ADAMTSL1: variants seen among roughly 807,000 people sequenced by gnomAD.
The protein encoded by ADAMTSL1 is ADAMTS like 1, also known as ADAMTS-like protein 1.
ADAMTSL1 carries 126 observed loss-of-function variants against 201.8 expected under a neutral mutation model. That is an observed-to-expected ratio of 0.62 (90% confidence interval 0.54 to 0.72). The LOEUF (loss-of-function observed/expected upper bound fraction) is 0.72. Among genes scored for constraint, ADAMTSL1 ranks in the 30% least tolerant of loss-of-function variants. The pLI is 0.00. For missense variants in ADAMTSL1, 2,679 were observed against 2,277.8 expected (o/e 1.18, Z -3.59); for synonymous variants, 1,121 against 903.4 (o/e 1.24, Z -4.32).
At chr9:18,383,674 C>T (rs1025226535) in intron 2 of ADAMTSL1, among the ~76,000 whole-genome samples, 1 of 152,146 alleles carries the variant, frequency 6.6e-6, no homozygotes, top group African/African-American at 2.4e-5. Context: ...TTAATCAGAT[C>T]TTTGCCACAG....
chr9:17,908,269 T>C (rs977813306), intron 1 of ADAMTSL1, among the ~76,000 whole-genome samples: 14 of 152,192 alleles, frequency 9.2e-5, no homozygotes, highest in South Asian at 6.2e-4. Context: ...TTCCCAGCCA[T>C]GGCTGCACAG....
chr9:18,238,656 A>C lies in ADAMTSL1; in HGVS notation c.207+74675A>C, dbSNP rs527469949. 3.3e-5 allele frequency among the ~76,000 whole-genome samples: 5 copies of C among 152,314 alleles called. No individual in the cohort carries two copies. The East Asian group carries it at 9.6e-4, about 29-fold the overall frequency. On this transcript the variant is annotated intron_variant, in intron 2 of 29. Coordinates refer to the ADAMTSL1 transcript ENST00000680146. Reference sequence around the variant, plus strand: ...TTCTTCTCTAATATCATAGAAAGAGAGCACTGAAAGGAACCAAATGACATA... The same window carrying C: ...TTCTTCTCTAATATCATAGAAAGAGCGCACTGAAAGGAACCAAATGACATA...
chr9:18,385,812 C>T (rs1837769596), intron 2 of ADAMTSL1, among the ~76,000 whole-genome samples: 1 of 152,176 alleles, frequency 6.6e-6, no homozygotes, highest in Non-Finnish European at 1.5e-5. Flanking sequence ...ATGCTTGTCA[C>T]ATTTATAGTC....
At chr9:18,388,901 T>C (rs1837925612) in intron 2 of ADAMTSL1, among the ~76,000 whole-genome samples, 2 of 151,770 alleles carry the variant, frequency 1.3e-5, no homozygotes, top group African/African-American at 4.8e-5. Context: ...GGATTACAGG[T>C]GCCTGCCACC....
At chr9:18,474,418 T>G in intron 1 of ADAMTSL1, 123 bp downstream of exon 1, 1 of 959,348 alleles carries the variant, frequency 1.0e-6, no homozygotes, top group Non-Finnish European at 1.6e-6. Flanking sequence ...CCAGGTAAAA[T>G]AATTTACACG....
rs1834365014 is a variant in ADAMTSL1 at position 18,315,766 on chromosome 9, G to C, written c.207+151785G>C. Among the ~76,000 whole-genome samples the C allele has an allele frequency of 2.6e-5, 4 of 152,340 alleles. No homozygotes were observed. In the South Asian group the frequency reaches 8.3e-4, roughly 32 times the overall value. On this transcript the variant is annotated intron_variant, in intron 2 of 29. Transcript: ENST00000680146. ...TAGCTCCGGCCTCAGCCAACCTAGA[G>C]AGGGGCTCCCAGAGTGCAGCAGTGG...
chr9:18,096,911 A>G (rs1824277484), intron 1 of ADAMTSL1, among the ~76,000 whole-genome samples: 1 of 152,204 alleles, frequency 6.6e-6, no homozygotes, highest in Non-Finnish European at 1.5e-5. Flanking sequence ...ATCTTCTCTT[A>G]GTATGCTTTT....
At chr9:18,053,882 G>C (rs1201578510) in intron 1 of ADAMTSL1, among the ~76,000 whole-genome samples, 1 of 152,132 alleles carries the variant, frequency 6.6e-6, no homozygotes, top group Admixed American at 6.6e-5. Context: ...TGAAGTAAAG[G>C]TGTTGTTTTG....
chr9:18,030,509 A>G (rs1820905245), intron 1 of ADAMTSL1, among the ~76,000 whole-genome samples: 1 of 152,158 alleles, frequency 6.6e-6, no homozygotes, highest in Non-Finnish European at 1.5e-5. Context: ...TATGTAACTA[A>G]CCTGCACATT....
In ADAMTSL1 at chr9:18,422,025, A is replaced by G. The variant is rs367935282; in HGVS notation, c.208-82804A>G. Among the ~76,000 whole-genome samples, 11 of 152,286 alleles carry G rather than the reference A, an allele frequency of 7.2e-5. No homozygotes were observed. The East Asian group carries it at 1.2e-3, about 16-fold the overall frequency. On this transcript the variant is annotated intron_variant, in intron 2 of 29. Transcript: ENST00000680146. Reference sequence around the variant, plus strand: ...ACTGGTGATAGCTTTGTGATACAGAACTAAATAAAATAATGGTAGTCATTT... The same window carrying G: ...ACTGGTGATAGCTTTGTGATACAGAGCTAAATAAAATAATGGTAGTCATTT...
At chr9:18,101,293 C>T (rs190961918) in intron 1 of ADAMTSL1, among the ~76,000 whole-genome samples, 45 of 152,006 alleles carry the variant, frequency 3.0e-4, no homozygotes, top group African/African-American at 1.1e-3. Flanking sequence ...GTCAGGAGGT[C>T]GAGACCAGCC....
In ADAMTSL1 at chr9:17,937,604, C is replaced by G. The variant is rs867871366; in HGVS notation, c.87+30682C>G. ...TTAGATGGAGGGGAGACTTGCTATG[C>G]TTGTTGATTTAAATTCCTAAAATCT... On this transcript the variant is annotated intron_variant, in intron 1 of 29. Coordinates refer to the ADAMTSL1 transcript ENST00000680146. Among the ~76,000 whole-genome samples the G allele has an allele frequency of 3.2e-3, 34 of 10,494 alleles. No individual in the cohort carries two copies. In the Middle Eastern group the frequency reaches 0.18, roughly 56 times the overall value. The allele number at this position is 10,494 out of a possible 152,430, so 6.9% of individuals were successfully genotyped here. A position where few individuals can be genotyped will look rare whatever the true frequency, so the allele number is the denominator to read the frequency against.
chr9:18,737,256 T>C (rs112101914), intron 15 of ADAMTSL1, among the ~76,000 whole-genome samples: 156 of 141,050 alleles, frequency 1.1e-3, no homozygotes, highest in African/African-American at 4.0e-3. Flanking sequence ...GAGGTGGAGG[T>C]TGCAGTGAAC....
intron 20 of ADAMTSL1, among the ~76,000 whole-genome samples, chr9:18,809,814 A>G (rs1823393574): frequency 6.6e-6 from 1 of 152,114 alleles, no homozygotes; most frequent in African/African-American, 2.4e-5. Context: ...GAAAAGAAAA[A>G]GAGCTTGAAG....
intron 1 of ADAMTSL1, among the ~76,000 whole-genome samples, chr9:18,032,134 G>A (rs1219756809): frequency 1.3e-5 from 2 of 152,132 alleles, no homozygotes; most frequent in Admixed American, 6.5e-5. Flanking sequence ...GGTTTCCTTG[G>A]GCAGAAGCTG....
chr9:18,439,579 A>G (rs1405267077), intron 2 of ADAMTSL1, among the ~76,000 whole-genome samples: 1 of 152,118 alleles, frequency 6.6e-6, no homozygotes, highest in Non-Finnish European at 1.5e-5. Flanking sequence ...GTTCGCCAGG[A>G]TGGTCTCGAT....
intron 1 of ADAMTSL1, among the ~76,000 whole-genome samples, chr9:17,997,621 T>C (rs1352050624): frequency 6.6e-6 from 1 of 152,026 alleles, no homozygotes; most frequent in African/African-American, 2.4e-5. Context: ...ATGCCTCTGT[T>C]TCATTGACCT....
chr9:18,662,187 G>C, intron 9 of ADAMTSL1, 114 bp downstream of exon 9: 2 of 1,348,046 alleles, frequency 1.5e-6, no homozygotes, highest in Non-Finnish European at 2.0e-6. Flanking sequence ...AACATCAATA[G>C]TGTTGCTGTC....
intron 23 of ADAMTSL1, among the ~76,000 whole-genome samples, chr9:18,844,888 G>A (rs577950103): frequency 9.8e-5 from 15 of 152,306 alleles, no homozygotes; most frequent in Admixed American, 2.6e-4. Flanking sequence ...TAAGCCTGTC[G>A]GAAAAGCGCA....
Sources: gnomAD v4.1 joint callset for allele counts (sites outside exome capture counted in the v4.1 genomes callset) on GRCh38, gnomAD v4.1.1 for gene constraint, MANE v1.5 for transcripts, NCBI Gene and HGNC (gene_info 2026-07-23, HGNC 2026-07-21) for gene names.